SPOCK1: variants seen among roughly 807,000 people sequenced by gnomAD.
SPOCK1 encodes testican-1.
A neutral mutation model predicts 55.3 loss-of-function variants in SPOCK1; 23 were observed. The ratio of observed to expected loss-of-function variants is 0.42; its 90% CI spans 0.30 to 0.59. The LOEUF is 0.59. Ranked by LOEUF, SPOCK1 falls within the 20% of genes least tolerant of loss-of-function variation. SPOCK1 has a pLI of 0.22. For missense variants in SPOCK1, 499 were observed against 552.5 expected (o/e 0.90, Z 0.97); for synonymous variants, 226 against 221.0 (o/e 1.02, Z -0.20).
chr5:137,472,964 T>C (rs1333332477), intron 2 of SPOCK1, among the ~76,000 whole-genome samples: 1 of 152,160 alleles, frequency 6.6e-6, no homozygotes, highest in Non-Finnish European at 1.5e-5. Context: ...CATATTCTGT[T>C]GGCAAGGCTG....
chr5:137,137,629 A>G (rs1397944841), intron 4 of SPOCK1, among the ~76,000 whole-genome samples: 1 of 152,176 alleles, frequency 6.6e-6, no homozygotes, highest in Non-Finnish European at 1.5e-5. Flanking sequence ...AGTGGGCCCA[A>G]TTATCAGAAA....
intron 2 of SPOCK1, among the ~76,000 whole-genome samples, chr5:137,457,376 T>C (rs1753387253): frequency 6.6e-6 from 1 of 152,204 alleles, no homozygotes; most frequent in Non-Finnish European, 1.5e-5. Context: ...AGGAGACTGA[T>C]GAATAATATC....
intron 2 of SPOCK1, among the ~76,000 whole-genome samples, chr5:137,381,578 C>G (rs990525445): frequency 1.3e-5 from 2 of 152,220 alleles, no homozygotes; most frequent in Non-Finnish European, 2.9e-5. Flanking sequence ...CCCAACACCA[C>G]ATGGAAGCCA....
chr5:137,105,981 G>C (rs533074730), intron 5 of SPOCK1, among the ~76,000 whole-genome samples: 1 of 152,248 alleles, frequency 6.6e-6, no homozygotes, highest in East Asian at 1.9e-4. Flanking sequence ...GTGGCGCTTA[G>C]TGGGCCCTCT....
intron 2 of SPOCK1, among the ~76,000 whole-genome samples, chr5:137,351,323 G>A (rs113684330): frequency 2.0e-5 from 3 of 152,322 alleles, no homozygotes; most frequent in Non-Finnish European, 2.9e-5. Context: ...CAGGCTCCTC[G>A]TTGATGAAAT....
chr5:137,368,913 A>G (rs1455393416), intron 2 of SPOCK1, among the ~76,000 whole-genome samples: 2 of 152,258 alleles, frequency 1.3e-5, no homozygotes, highest in African/African-American at 4.8e-5. Context: ...GGGTTCGTGC[A>G]GCAAGCTGCA....
chr5:137,079,755 C>A (rs1752843637), intron 5 of SPOCK1, among the ~76,000 whole-genome samples: 1 of 152,034 alleles, frequency 6.6e-6, no homozygotes. Flanking sequence ...TCTGATGTTG[C>A]CTCATCTGAA....
chr5:137,194,024 C>G (rs1469985238), intron 3 of SPOCK1, among the ~76,000 whole-genome samples: 3 of 152,180 alleles, frequency 2.0e-5, no homozygotes, highest in Non-Finnish European at 4.4e-5. Context: ...GTCAGCTCTC[C>G]TCCCCTAGAG....
intron 2 of SPOCK1, among the ~76,000 whole-genome samples, chr5:137,382,246 T>A (rs1176479262): frequency 6.6e-6 from 1 of 152,246 alleles, no homozygotes; most frequent in Non-Finnish European, 1.5e-5. Context: ...ACTGTCCATA[T>A]CACTATTTGC....
At chr5:137,112,050 C>T (rs187483130) in intron 5 of SPOCK1, among the ~76,000 whole-genome samples, 110 of 152,206 alleles carry the variant, frequency 7.2e-4, no homozygotes, top group Middle Eastern at 3.4e-3. Flanking sequence ...CCCTTCCTTC[C>T]ACTGCACTGG....
chr5:137,160,014 A>G (rs974427705), intron 3 of SPOCK1, among the ~76,000 whole-genome samples: 1 of 152,024 alleles, frequency 6.6e-6, no homozygotes, highest in Non-Finnish European at 1.5e-5. Context: ...GTATGGTAAC[A>G]TGAGTAAGTT....
chr5:137,010,759 C>G (rs562215056), intron 6 of SPOCK1, among the ~76,000 whole-genome samples: 1 of 152,164 alleles, frequency 6.6e-6, no homozygotes, highest in Admixed American at 6.5e-5. Flanking sequence ...GCCAACATCC[C>G]TTGCCTGAGA....
chr5:137,010,942 G>T (rs972159889), intron 6 of SPOCK1, among the ~76,000 whole-genome samples: 2 of 152,160 alleles, frequency 1.3e-5, no homozygotes, highest in African/African-American at 4.8e-5. Context: ...ATGCTAGAAC[G>T]ATTGTACACC....
chr5:137,013,673 G>C (rs145012630), intron 6 of SPOCK1, among the ~76,000 whole-genome samples: 404 of 152,210 alleles, frequency 2.7e-3, no homozygotes, highest in African/African-American at 9.1e-3. Flanking sequence ...TTTCCTCTCT[G>C]CATCCCCCAT....
chr5:137,381,904 G>GT (rs1341117361), intron 2 of SPOCK1, among the ~76,000 whole-genome samples: 1 of 152,202 alleles, frequency 6.6e-6, no homozygotes, highest in Admixed American at 6.5e-5. Flanking sequence ...CCAAAAATGG[G>GT]TTTTTTGTTT....
chr5:137,336,582 G>A (rs911014957), intron 2 of SPOCK1, among the ~76,000 whole-genome samples: 5 of 152,186 alleles, frequency 3.3e-5, no homozygotes, highest in African/African-American at 9.7e-5. Flanking sequence ...AGAGAGAGAA[G>A]AGGCCAAGAG....
At chr5:137,417,925 G>C (rs779866857) in intron 2 of SPOCK1, among the ~76,000 whole-genome samples, 101 of 152,136 alleles carry the variant, frequency 6.6e-4, no homozygotes, top group Non-Finnish European at 1.0e-3. Context: ...TTTAACATTA[G>C]GTATATCTCC....
chr5:137,302,967 C>T (rs1194638427), intron 2 of SPOCK1, among the ~76,000 whole-genome samples: 3 of 152,138 alleles, frequency 2.0e-5, no homozygotes, highest in African/African-American at 7.2e-5. Flanking sequence ...ATTATTTAAT[C>T]TTCATGAGAA....
chr5:137,153,230 G>A (rs892493278), intron 3 of SPOCK1, among the ~76,000 whole-genome samples: 1 of 152,182 alleles, frequency 6.6e-6, no homozygotes, highest in Non-Finnish European at 1.5e-5. Flanking sequence ...TTCAGTTAAT[G>A]CTGAAAAACT....
Sources: gnomAD v4.1 joint callset for allele counts (sites outside exome capture counted in the v4.1 genomes callset) on GRCh38, gnomAD v4.1.1 for gene constraint, MANE v1.5 for transcripts, NCBI Gene and HGNC (gene_info 2026-07-23, HGNC 2026-07-21) for gene names.